The following ZGLP1 variants were observed in gnomAD, a reference collection of about 807,000 sequenced individuals.
ZGLP1 encodes GATA-type zinc finger protein 1.
A neutral mutation model predicts 21.4 loss-of-function variants in ZGLP1; 11 were observed. That is an observed-to-expected ratio of 0.51 (90% confidence interval 0.32 to 0.85). The LOEUF is 0.85. Ranked by LOEUF, ZGLP1 falls within the 40% of genes least tolerant of loss-of-function variation. ZGLP1 has a pLI of 0.03. For missense variants in ZGLP1, 295 were observed against 355.6 expected (o/e 0.83, Z 1.37); for synonymous variants, 148 against 145.0 (o/e 1.02, Z -0.15).
intron 1 of ZGLP1, among the ~76,000 whole-genome samples, chr19:10,306,940 C>A (rs912618168): frequency 6.6e-6 from 1 of 152,008 alleles, no homozygotes; most frequent in African/African-American, 2.4e-5. Flanking sequence ...TCGAGACCAT[C>A]CCGGCCAACA....
rs755003522 is a variant in ZGLP1 at position 10,305,147 on chromosome 19, G to A, written c.760C>T (p.Pro254Ser). The A allele has an allele frequency of 1.9e-6, 3 of 1,614,004 alleles. No individual in the cohort carries two copies. Among genetic ancestry groups the A allele is most frequent in the Non-Finnish European group, 2.5e-6 (3 of 1,179,886 alleles). The change falls in exon 4 of 4, where the codon CCC becomes TCC. Residue 254 changes from proline to serine, a missense_variant. By Grantham distance (74) the Pro-to-Ser change is moderately conservative. Transcript: ENST00000403903. The surrounding 1 kb of genome is among the most constrained non-coding windows in gnomAD (Gnocchi z 4.7). Reference sequence around the variant, plus strand: ...CCACATCTGCCACATAGCCTCTTGGGCTGGACATTTTTCCTGGGCACCAGC... The same window carrying A: ...CCACATCTGCCACATAGCCTCTTGGACTGGACATTTTTCCTGGGCACCAGC...
chr19:10,308,471 G>A (rs995626995), exon 1 of ZGLP1: 2 of 1,611,730 alleles, frequency 1.2e-6, no homozygotes, highest in South Asian at 1.1e-5. Flanking sequence ...TCCTGGGCAG[G>A]GGACTGACCC....
At chr19:10,306,618 TG>T (rs2040281343) in intron 1 of ZGLP1, among the ~76,000 whole-genome samples, 1 of 151,756 alleles carries the variant, frequency 6.6e-6, no homozygotes, top group South Asian at 2.1e-4. Flanking sequence ...TAAAAAGAGA[TG>T]GGAGTCTGGG....
Position 10,305,885 on chromosome 19 carries a change from C to A in ZGLP1, c.565G>T (p.Gly189Ter). The stretch of plus-strand genomic sequence containing the variant: ...CCTGCTGAGTGGGCCTCGGTGCCTC[C>A]TGGGTGGGCTGCAGGGCCCCCAACA... Residue 189 changes from glycine to a stop codon, truncating the protein, a stop_gained, in exon 2 of 4, where the codon GGA becomes TGA. Transcript: ENST00000403903. LOFTEE classifies it high-confidence loss of function. The surrounding 1 kb of genome is among the most constrained non-coding windows in gnomAD (Gnocchi z 4.7). 1 of 1,563,402 alleles carries A rather than the reference C, an allele frequency of 6.4e-7. No homozygotes were observed. The highest frequency in any genetic ancestry group is 8.7e-7 in the Non-Finnish European group (1 of 1,152,522).
Position 10,305,355 on chromosome 19 carries a change from A to AC in ZGLP1, c.698+34dup. On this transcript the variant is annotated intron_variant, in intron 3 of 3. Transcript: ENST00000403903. This position sits in a 1 kb window ranked among gnomAD's most constrained non-coding sequence, Gnocchi z 4.7. ...TGGTTACACGTGGACTGATTTGGGGACCCCCGCCCCAACTCCCTCCTCCAT... is the reference window on the plus strand; with the variant it reads ...TGGTTACACGTGGACTGATTTGGGGACCCCCCGCCCCAACTCCCTCCTCCAT... 6.4e-7 allele frequency: 1 copy of AC among 1,556,372 alleles called. No individual in the cohort carries two copies. Among genetic ancestry groups the AC allele is most frequent in the Non-Finnish European group, 8.7e-7 (1 of 1,146,268 alleles).
At position 10,305,092 on chromosome 19, in the gene ZGLP1, T is replaced by C. The variant is rs762940531; in HGVS notation, c.815A>G (p.Ter272=). Reference sequence around the variant, plus strand: ...CAGCTCAGCAGGGTGAAGCTGGGTTTAACCTTCCTGAATGGGGTCCAGGGA... The same window carrying C: ...CAGCTCAGCAGGGTGAAGCTGGGTTCAACCTTCCTGAATGGGGTCCAGGGA... Residue 272 remains the stop codon, a stop_retained_variant, in exon 4 of 4, where the codon TAA becomes TGA. Transcript: ENST00000403903. This position sits in a 1 kb window ranked among gnomAD's most constrained non-coding sequence, Gnocchi z 4.7. 3 of 1,612,688 alleles carry C rather than the reference T, an allele frequency of 1.9e-6. No homozygotes were observed. In the South Asian group the frequency reaches 3.3e-5, roughly 18 times the overall value.
chr19:10,308,361 G>T, exon 1 of ZGLP1: 1 of 1,607,580 alleles, frequency 6.2e-7, no homozygotes. Flanking sequence ...GGCCCTTTTG[G>T]CTGATCCTGG....
At position 10,307,143 on chromosome 19, in the gene ZGLP1, A is replaced by C. The variant is rs2040283908; in HGVS notation, c.497+1042T>G. ...AGTGCAACTCCATCTCAAAAAAAAAAAAAAATATTGTTTTGGCGGCATGAT... is the reference window on the plus strand; with the variant it reads ...AGTGCAACTCCATCTCAAAAAAAAACAAAAATATTGTTTTGGCGGCATGAT... On this transcript the variant is annotated intron_variant, in intron 1 of 3. Coordinates refer to ENST00000403903, the Ensembl canonical transcript of ZGLP1. Among the ~76,000 whole-genome samples the C allele has an allele frequency of 3.3e-5, 5 of 151,998 alleles. No individual in the cohort carries two copies. The South Asian group carries it at 1.0e-3, about 31-fold the overall frequency.
chr19:10,308,291 G>A (rs762241020), exon 1 of ZGLP1: 1 of 1,611,000 alleles, frequency 6.2e-7, no homozygotes, highest in Admixed American at 1.7e-5. Flanking sequence ...CAGGGGTTCA[G>A]CTGTTTCCGG....
chr19:10,308,181 C>CT lies in ZGLP1; in HGVS notation c.497+3dup, dbSNP rs776535416. ...AGGGCGGCCTGGCCCCAGCCGGCCCCTACCTGTACGTGGGGATGATCTGCA... is the reference window on the plus strand; with the variant it reads ...AGGGCGGCCTGGCCCCAGCCGGCCCCTTACCTGTACGTGGGGATGATCTGCA... On this transcript the variant is annotated splice_donor_region_variant and intron_variant, in intron 1 of 3. Transcript: ENST00000403903. 7.5e-5 allele frequency: 115 copies of CT among 1,525,330 alleles called. No homozygotes were observed. The highest frequency in any genetic ancestry group is 9.6e-5 in the Non-Finnish European group (109 of 1,137,538). The allele number at this position is 1,525,330 out of a possible 1,614,324, so 94.5% of individuals were successfully genotyped here.
Position 10,305,250 on chromosome 19 carries a change from G to A in ZGLP1, c.699-42C>T. 17 of 1,597,708 alleles carry A rather than the reference G, an allele frequency of 1.1e-5. No homozygotes were observed. The highest frequency in any genetic ancestry group is 1.5e-5 in the Non-Finnish European group (17 of 1,165,778). On this transcript the variant is annotated intron_variant, in intron 3 of 3. Coordinates refer to ENST00000403903, the Ensembl canonical transcript of ZGLP1. The surrounding 1 kb of genome is among the most constrained non-coding windows in gnomAD (Gnocchi z 4.7). ...AGAAACTGCCATTTAGGATGCAGTG[G>A]GGGCCCGGAAACCGCCACAAGGAAA... is the stretch of plus-strand genomic sequence containing the variant.
At chr19:10,308,278 C>T (rs111499017) in exon 1 of ZGLP1, 19 of 1,607,594 alleles carry the variant, frequency 1.2e-5, no homozygotes, top group Non-Finnish European at 1.6e-5. Flanking sequence ...CTCGGTGCCC[C>T]GGCAGGGGTT....
exon 1 of ZGLP1, chr19:10,309,738 G>C (rs1445379413): frequency 6.6e-6 from 1 of 152,268 alleles, no homozygotes; most frequent in African/African-American, 2.4e-5. Context: ...CTGCCGGGGC[G>C]GGGCCTTCCA....
intron 1 of ZGLP1, among the ~76,000 whole-genome samples, 188 bp from the exon 3 acceptor site, chr19:10,306,140 T>A (rs1258789949): frequency 6.6e-6 from 1 of 151,644 alleles, no homozygotes; most frequent in Non-Finnish European, 1.5e-5. Flanking sequence ...GCAGATGGAG[T>A]CTCGCTCTGT....
Position 10,308,169 on chromosome 19 carries a change from C to T in ZGLP1, c.497+16G>A, listed in dbSNP as rs1200062491. ...TAACTGGGAGAAAGGGCGGCCTGGC[C>T]CCAGCCGGCCCCTACCTGTACGTGG... On this transcript the variant is annotated intron_variant, in intron 1 of 3. Transcript: ENST00000403903. The T allele has an allele frequency of 6.6e-6, 10 of 1,515,358 alleles. No homozygotes were observed. The highest frequency in any genetic ancestry group is 1.4e-5 in the African/African-American group (1 of 71,750). 93.9% of individuals were successfully genotyped at this position (1,515,358 alleles called of 1,614,324 possible).
chr19:10,305,296 G>T lies in ZGLP1; in HGVS notation c.699-88C>A. The T allele has an allele frequency of 6.4e-7, 1 of 1,558,624 alleles. No homozygotes were observed. Among genetic ancestry groups the T allele is most frequent in the Non-Finnish European group, 8.8e-7 (1 of 1,137,838 alleles). On this transcript the variant is annotated intron_variant, in intron 3 of 3. Transcript: ENST00000403903. The surrounding 1 kb of genome is among the most constrained non-coding windows in gnomAD (Gnocchi z 4.7). ...GGAAACCACTTTTCCCAAGAGGTAG[G>T]TGTTTTGCTTTTTGCTTTCCCCACA...
At chr19:10,304,871 G>A (rs1039414831) in exon 4 of ZGLP1, 2 of 579,826 alleles carry the variant, frequency 3.4e-6, no homozygotes, top group African/African-American at 3.8e-5. Context: ...AGCGTCTCCT[G>A]AGGGGGCCTC....
rs1041815205 is a variant in ZGLP1, at chr19:10,305,339, G to A, written c.698+51C>T. ...TCCCCACAGGCCATCCTGGTTACAC[G>A]TGGACTGATTTGGGGACCCCCGCCC... On this transcript the variant is annotated intron_variant, in intron 3 of 3. Transcript: ENST00000403903. The surrounding 1 kb of genome is among the most constrained non-coding windows in gnomAD (Gnocchi z 4.7). 19 of 1,546,360 alleles carry A rather than the reference G, an allele frequency of 1.2e-5. No individual in the cohort carries two copies. In the South Asian group the frequency reaches 1.3e-4, roughly 10 times the overall value.
chr19:10,305,297 T>C lies in ZGLP1; in HGVS notation c.699-89A>G. The C allele has an allele frequency of 6.4e-7, 1 of 1,552,790 alleles. No homozygotes were observed. The highest frequency in any genetic ancestry group is 1.1e-5 in the South Asian group (1 of 88,038). ...GAAACCACTTTTCCCAAGAGGTAGG[T>C]GTTTTGCTTTTTGCTTTCCCCACAG... is the stretch of plus-strand genomic sequence containing the variant. On this transcript the variant is annotated intron_variant, in intron 3 of 3. Transcript: ENST00000403903. The surrounding 1 kb of genome is among the most constrained non-coding windows in gnomAD (Gnocchi z 4.7).
Sources: allele counts gnomAD v4.1 joint callset (sites outside exome capture counted in the v4.1 genomes callset), GRCh38; gene constraint gnomAD v4.1.1; non-coding constraint Gnocchi (gnomAD v3.1); transcripts MANE v1.5; gene names NCBI Gene and HGNC (gene_info 2026-07-23, HGNC 2026-07-21).